KIAA1217: variants seen among roughly 807,000 people sequenced by gnomAD.
KIAA1217 encodes sickle tail protein homolog.
In KIAA1217, 88 loss-of-function variants were observed where a neutral mutation model predicts 163.9. The observed-to-expected ratio is 0.54, with a 90% CI of 0.45 to 0.64. The LOEUF (loss-of-function observed/expected upper bound fraction) is 0.64, where lower values mean the gene tolerates loss of function less well. Ranked by LOEUF, KIAA1217 falls within the 30% of genes least tolerant of loss-of-function variation. The pLI is 0.00. For missense variants in KIAA1217, 2,372 were observed against 2,475.0 expected (o/e 0.96, Z 0.88); for synonymous variants, 903 against 923.1 (o/e 0.98, Z 0.39).
chr10:24,401,558 A>C (rs926687184), intron 3 of KIAA1217, among the ~76,000 whole-genome samples: 2 of 152,216 alleles, frequency 1.3e-5, no homozygotes, highest in African/African-American at 4.8e-5. Flanking sequence ...GATTAAAAAA[A>C]CACAAAACTC....
chr10:24,030,331 C>T (rs1848140238), intron 2 of KIAA1217, among the ~76,000 whole-genome samples: 1 of 151,970 alleles, frequency 6.6e-6, no homozygotes, highest in Non-Finnish European at 1.5e-5. Flanking sequence ...GGGTGGTTTC[C>T]CACTTGCTGT....
At chr10:24,296,398 A>G (rs963371008) in intron 2 of KIAA1217, among the ~76,000 whole-genome samples, 3 of 152,174 alleles carry the variant, frequency 2.0e-5, no homozygotes, top group Non-Finnish European at 2.9e-5. Context: ...GTGAATCACT[A>G]TGCCCGGCCA....
intron 1 of KIAA1217, among the ~76,000 whole-genome samples, chr10:23,953,465 T>C (rs571397695): frequency 1.3e-5 from 2 of 152,334 alleles, no homozygotes; most frequent in African/African-American, 2.4e-5. Context: ...GTATCAGCTA[T>C]GATTGCCATC....
chr10:23,743,130 G>T (rs1333621053), intron 1 of KIAA1217, among the ~76,000 whole-genome samples: 1 of 152,066 alleles, frequency 6.6e-6, no homozygotes, highest in Non-Finnish European at 1.5e-5. Context: ...GATGATTTTG[G>T]CATCATCTTT....
intron 1 of KIAA1217, among the ~76,000 whole-genome samples, chr10:23,925,535 A>C (rs982687577): frequency 5.3e-5 from 8 of 152,222 alleles, no homozygotes; most frequent in African/African-American, 1.9e-4. Flanking sequence ...ATACATTTCC[A>C]AGCTTTTGAA....
chr10:24,432,438 G>A (rs1399614809), intron 3 of KIAA1217, among the ~76,000 whole-genome samples: 1 of 151,828 alleles, frequency 6.6e-6, no homozygotes, highest in Non-Finnish European at 1.5e-5. Flanking sequence ...TTTTGCTTTA[G>A]GCTACCAGAG....
chr10:23,941,848 T>G (rs1463392952), intron 1 of KIAA1217, among the ~76,000 whole-genome samples: 1 of 152,188 alleles, frequency 6.6e-6, no homozygotes, highest in African/African-American at 2.4e-5. Context: ...AGCCAAACCT[T>G]AGGAATCAAT....
intron 2 of KIAA1217, among the ~76,000 whole-genome samples, chr10:24,087,522 T>C (rs12256024): frequency 6.6e-6 from 1 of 152,348 alleles, no homozygotes; most frequent in African/African-American, 2.4e-5. Flanking sequence ...TTACAGGTTT[T>C]CTCTGCTCAC....
intron 1 of KIAA1217, among the ~76,000 whole-genome samples, chr10:23,862,102 G>T (rs1485339763): frequency 6.6e-6 from 1 of 152,126 alleles, no homozygotes; most frequent in Non-Finnish European, 1.5e-5. Context: ...CTACAGGTCT[G>T]GGTCTGGGTA....
intron 2 of KIAA1217, among the ~76,000 whole-genome samples, chr10:24,079,193 A>T (rs2061462779): frequency 6.6e-6 from 1 of 152,246 alleles, no homozygotes. Flanking sequence ...ATGGGAAAAG[A>T]CAACTATGAA....
intron 2 of KIAA1217, among the ~76,000 whole-genome samples, chr10:24,008,163 TAGA>T (rs1847080775): frequency 2.2e-5 from 1 of 45,648 alleles, no homozygotes; most frequent in Non-Finnish European, 4.0e-5. Flanking sequence ...GGAAATTAGA[TAGA>T]TAGATAGATA....
intron 2 of KIAA1217, among the ~76,000 whole-genome samples, chr10:24,241,288 T>C (rs2073062716): frequency 6.6e-6 from 1 of 152,202 alleles, no homozygotes. Flanking sequence ...GAATGTGTTA[T>C]TGAAATAACT....
chr10:24,442,459 C>T (rs1040866685), intron 5 of KIAA1217, among the ~76,000 whole-genome samples: 1 of 152,146 alleles, frequency 6.6e-6, no homozygotes, highest in East Asian at 1.9e-4. Flanking sequence ...CCCTTGAAGC[C>T]ATATCCCTAA....
At chr10:23,727,192 C>T (rs1322000286) in intron 1 of KIAA1217, among the ~76,000 whole-genome samples, 1 of 151,738 alleles carries the variant, frequency 6.6e-6, no homozygotes, top group Non-Finnish European at 1.5e-5. Context: ...AGGGTTTCAC[C>T]ATGTTAGTCA....
At chr10:23,974,329 G>T (rs542151092) in intron 1 of KIAA1217, among the ~76,000 whole-genome samples, 12 of 152,208 alleles carry the variant, frequency 7.9e-5, no homozygotes, top group Non-Finnish European at 2.9e-5. Context: ...AGAGACCAGG[G>T]GCCTGGGCTT....
intron 1 of KIAA1217, among the ~76,000 whole-genome samples, chr10:23,845,152 G>T (rs527957055): frequency 6.6e-6 from 1 of 152,240 alleles, no homozygotes; most frequent in Admixed American, 6.5e-5. Context: ...GGACATTTGG[G>T]TTGGTTCCAA....
At chr10:23,979,717 T>G (rs1845687621) in intron 1 of KIAA1217, among the ~76,000 whole-genome samples, 1 of 152,140 alleles carries the variant, frequency 6.6e-6, no homozygotes. Context: ...TTCTGCCAAT[T>G]GATACCGTAG....
At chr10:24,143,967 T>C (rs1034048056) in intron 2 of KIAA1217, among the ~76,000 whole-genome samples, 3 of 152,180 alleles carry the variant, frequency 2.0e-5, no homozygotes, top group African/African-American at 7.2e-5. Flanking sequence ...CTCAGCTGAT[T>C]TAGGGTTAAG....
intron 2 of KIAA1217, among the ~76,000 whole-genome samples, chr10:24,010,226 G>A (rs1301047684): frequency 6.6e-6 from 1 of 151,574 alleles, no homozygotes; most frequent in Non-Finnish European, 1.5e-5. Context: ...AAAAGTCAAT[G>A]ATTACAGTCA....
Sources: allele counts gnomAD v4.1 joint callset (sites outside exome capture counted in the v4.1 genomes callset), GRCh38; gene constraint gnomAD v4.1.1; transcripts MANE v1.5; gene names NCBI Gene and HGNC (gene_info 2026-07-23, HGNC 2026-07-21).